The following GPSM1 variants were observed in gnomAD, a reference collection of about 807,000 sequenced individuals.
GPSM1 encodes G protein signaling modulator 1, also known as G protein-signaling modulator 1.
A neutral mutation model predicts 70.5 loss-of-function variants in GPSM1; 48 were observed. The observed-to-expected ratio is 0.68, with a 90% CI of 0.54 to 0.87. The LOEUF (loss-of-function observed/expected upper bound fraction) is 0.87, where lower values mean the gene tolerates loss of function less well. Among genes scored for constraint, GPSM1 ranks in the 40% least tolerant of loss-of-function variants. The pLI is 0.00. For missense variants in GPSM1, 981 were observed against 972.6 expected (o/e 1.01, Z -0.11); for synonymous variants, 416 against 430.1 (o/e 0.97, Z 0.41).
intron 7 of GPSM1, 72 bp from the exon 8 acceptor site, chr9:136,339,635 A>G: frequency 1.8e-6 from 2 of 1,084,562 alleles, no homozygotes; most frequent in Non-Finnish European, 2.8e-6. Flanking sequence ...GGCCGTGACC[A>G]CCAGGGGAGG....
At position 136,356,251 on chromosome 9, in the gene GPSM1, G is replaced by C; in HGVS notation, c.1613-91G>C. On this transcript the variant is annotated intron_variant, in intron 12 of 13. Coordinates refer to ENST00000440944, the MANE Select transcript of GPSM1 (RefSeq NM_001145638.3). The stretch of plus-strand genomic sequence containing the variant: ...CCAGCAGCACAGTGGGCTGGGCTGG[G>C]CTCAGAGGTCAGAGCTCACTGTGGC... The C allele has an allele frequency of 8.0e-6, 8 of 1,002,450 alleles. No individual in the cohort carries two copies. The East Asian group carries it at 2.1e-4, about 27-fold the overall frequency. The allele number at this position is 1,002,450 out of a possible 1,614,324, so 62.1% of individuals were successfully genotyped here.
chr9:136,348,575 GGGGGCT>G, intron 9 of GPSM1, 116 bp from the exon 10 acceptor site: 1 of 654,414 alleles, frequency 1.5e-6, no homozygotes, highest in Non-Finnish European at 2.6e-6. Flanking sequence ...CCTCCACAAG[GGGGGCT>G]GGCTGTCAGA....
At chr9:136,331,538 TG>T (rs71492117) in intron 1 of GPSM1, among the ~76,000 whole-genome samples, 1 of 152,090 alleles carries the variant, frequency 6.6e-6, no homozygotes, top group Non-Finnish European at 1.5e-5. Flanking sequence ...GGGCCAGGCC[TG>T]GGGGAAGAGG....
rs370054991 is a variant in GPSM1, at chr9:136,335,943, C to G, written c.291-23C>G. 3 of 1,610,056 alleles carry G rather than the reference C, an allele frequency of 1.9e-6. No individual in the cohort carries two copies. The African/African-American group carries it at 4.0e-5, about 21-fold the overall frequency. On this transcript the variant is annotated intron_variant, in intron 2 of 13. Transcript: ENST00000440944. ...GGCCTGACCAGTCCTCAGCCTGACC[C>G]CTCACTCCTCCCTGCCATCCAGGAC...
At chr9:136,339,322 T>G (rs1832329109) in intron 7 of GPSM1, among the ~76,000 whole-genome samples, 1 of 152,188 alleles carries the variant, frequency 6.6e-6, no homozygotes, top group Non-Finnish European at 1.5e-5. Flanking sequence ...CCTCACCCAG[T>G]GACTTGGAGG....
Position 136,334,555 on chromosome 9 carries a change from C to T in GPSM1, c.177C>T (p.Thr59=), listed in dbSNP as rs782666344. ...TTGAGGCTGCTGTGCAGGTGGGCAC[C>T]GAGGACCTGAAGACACTGAGTGCCA... ...AFFEAAVQVG[T]EDLKTLSAIY... The change falls in exon 2 of 14, where the codon ACC becomes ACT. Residue 59 remains threonine, a synonymous_variant. Transcript: ENST00000440944. The T allele has an allele frequency of 5.0e-6, 8 of 1,613,102 alleles. No homozygotes were observed. The Admixed American group carries it at 8.3e-5, about 17-fold the overall frequency.
intron 6 of GPSM1, 73 bp downstream of exon 6, chr9:136,338,034 G>A (rs193151314): frequency 2.2e-5 from 21 of 975,466 alleles, no homozygotes; most frequent in African/African-American, 9.7e-5. Flanking sequence ...GGAAGTGCCC[G>A]CCCCAAGCTG....
intron 13 of GPSM1, among the ~76,000 whole-genome samples, chr9:136,357,534 A>G (rs1315191601): frequency 1.3e-5 from 2 of 152,190 alleles, no homozygotes; most frequent in Non-Finnish European, 2.9e-5. Context: ...GGGGTCAGCC[A>G]CCTGACACAA....
rs1011248595 is a variant in GPSM1 at position 136,343,734 on chromosome 9, G to A, written c.1207+2741G>A. 6.6e-5 allele frequency among the ~76,000 whole-genome samples: 10 copies of A among 152,222 alleles called. No homozygotes were observed. Among genetic ancestry groups the A allele is most frequent in the African/African-American group, 9.7e-5 (4 of 41,438 alleles). ...AGTGCTGGGAACAGAGCTTGGCAGGGGTGAGAGGCCAGCGAGCCTGAGGGC... is the reference window on the plus strand; with the variant it reads ...AGTGCTGGGAACAGAGCTTGGCAGGAGTGAGAGGCCAGCGAGCCTGAGGGC... On this transcript the variant is annotated intron_variant, in intron 9 of 13. Coordinates refer to ENST00000440944, the MANE Select transcript of GPSM1 (RefSeq NM_001145638.3). The surrounding 1 kb of genome is among the most constrained non-coding windows in gnomAD (Gnocchi z 6.0).
Position 136,356,536 on chromosome 9 carries a change from CTCA to C in GPSM1, c.1811_1813del (p.Ile604del), listed in dbSNP as rs1554773222. 16 of 1,610,944 alleles carry C rather than the reference CTCA, an allele frequency of 9.9e-6. No individual in the cohort carries two copies. In the South Asian group the frequency reaches 1.5e-4, roughly 15 times the overall value. ...GCCGGGGGACGACTTCTTCAACATGCTCATCAAGTACCAGGTGGGCTGCGGCCC... is the reference window on the plus strand; with the variant it reads ...GCCGGGGGACGACTTCTTCAACATGCTCAAGTACCAGGTGGGCTGCGGCCC... On this transcript the variant is annotated inframe_deletion, in exon 13 of 14. Coordinates refer to ENST00000440944, the MANE Select transcript of GPSM1 (RefSeq NM_001145638.3).
chr9:136,332,948 G>A (rs1160207340), intron 1 of GPSM1, among the ~76,000 whole-genome samples: 1 of 151,956 alleles, frequency 6.6e-6, no homozygotes, highest in Non-Finnish European at 1.5e-5. Context: ...GATGGAGGCT[G>A]TAGTGAGCCG....
In GPSM1 at chr9:136,358,391, G is replaced by T; in HGVS notation, c.*171G>T. On this transcript the variant is annotated 3_prime_UTR_variant, in exon 14 of 14. Transcript: ENST00000440944. ...AGGCCAAGCTGCCCGTGGTGGGAGG[G>T]CGTGCTTCCATCCCGGGCTGGCCCC... is the stretch of plus-strand genomic sequence containing the variant. 1 of 648,934 alleles carries T rather than the reference G, an allele frequency of 1.5e-6. No individual in the cohort carries two copies. Among genetic ancestry groups the T allele is most frequent in the East Asian group, 3.0e-5 (1 of 33,428 alleles). 40.2% of individuals were successfully genotyped at this position (648,934 alleles called of 1,614,324 possible).
At chr9:136,339,868 C>A (rs782810238) in intron 8 of GPSM1, 53 bp downstream of exon 8, 2 of 1,118,978 alleles carry the variant, frequency 1.8e-6, no homozygotes, top group African/African-American at 1.9e-5. Context: ...CCACTCCAGA[C>A]GGGCCGGGTC....
intron 11 of GPSM1, among the ~76,000 whole-genome samples, chr9:136,350,039 G>A (rs1554771839): frequency 6.6e-6 from 1 of 152,184 alleles, no homozygotes; most frequent in Admixed American, 6.5e-5. Flanking sequence ...TGCATGGAAC[G>A]CCCCGCCTCT....
chr9:136,337,316 C>T, intron 4 of GPSM1, 125 bp from the exon 5 acceptor site: 1 of 1,426,496 alleles, frequency 7.0e-7, no homozygotes, highest in Non-Finnish European at 9.4e-7. Flanking sequence ...GGAGCCTACC[C>T]TAGCCACCCT....
intron 9 of GPSM1, among the ~76,000 whole-genome samples, chr9:136,345,078 G>A (rs1161070280): frequency 2.6e-5 from 4 of 152,240 alleles, no homozygotes; most frequent in African/African-American, 9.6e-5. Flanking sequence ...AGGTGGGCGT[G>A]AAGGAACCGT....
chr9:136,354,818 C>A (rs1832769304), intron 11 of GPSM1: 3 of 993,924 alleles, frequency 3.0e-6, no homozygotes, highest in Admixed American at 1.2e-4. Context: ...CTGTGTAGGG[C>A]ATGGACACAG....
intron 1 of GPSM1, among the ~76,000 whole-genome samples, chr9:136,333,777 G>A (rs1161147496): frequency 2.6e-5 from 4 of 152,296 alleles, no homozygotes; most frequent in Admixed American, 1.3e-4. Context: ...AGCGGCGAGC[G>A]CTTAGCTCTG....
rs1832808112 is a variant in GPSM1, at chr9:136,355,966, C to G, written c.1612+120C>G. The G allele has an allele frequency of 6.2e-6, 5 of 809,470 alleles. No individual in the cohort carries two copies. The South Asian group carries it at 9.0e-5, about 15-fold the overall frequency. The allele number at this position is 809,470 out of a possible 1,614,324, so 50.1% of individuals were successfully genotyped here. On this transcript the variant is annotated intron_variant, in intron 12 of 13. Coordinates refer to ENST00000440944, the MANE Select transcript of GPSM1 (RefSeq NM_001145638.3). ...GCAGACCAGCAGGCCAGCTGCAGAG[C>G]ACCCTGTCACTGAGGGCGCCCTCCG...
Sources: gnomAD v4.1 joint callset for allele counts (sites outside exome capture counted in the v4.1 genomes callset) on GRCh38, gnomAD v4.1.1 for gene constraint, Gnocchi (gnomAD v3.1) non-coding constraint, MANE v1.5 for transcripts, NCBI Gene and HGNC (gene_info 2026-07-23, HGNC 2026-07-21) for gene names.